GPR158: variants seen among roughly 807,000 people sequenced by gnomAD.
The protein encoded by GPR158 is metabotropic glycine receptor.
In GPR158, 30 loss-of-function variants were observed where a neutral mutation model predicts 78.2. That is an observed-to-expected ratio of 0.38 (90% CI 0.29 to 0.52). The LOEUF (loss-of-function observed/expected upper bound fraction) is 0.52, where lower values mean the gene tolerates loss of function less well. Ranked by LOEUF, GPR158 falls within the 20% of genes least tolerant of loss-of-function variation. The pLI, the probability that GPR158 is intolerant of heterozygous loss-of-function variation, is 0.83. For synonymous variants in GPR158, 581 were observed against 591.1 expected (o/e 0.98, Z 0.25); for missense variants, 1,463 against 1,523.5 (o/e 0.96, Z 0.66).
At chr10:25,340,166 T>C (rs1404505984) in intron 2 of GPR158, among the ~76,000 whole-genome samples, 1 of 152,062 alleles carries the variant, frequency 6.6e-6, no homozygotes, top group Non-Finnish European at 1.5e-5. Context: ...CCTCAGGATC[T>C]TGGATCCTCA....
chr10:25,228,393 A>T (rs1481447989), intron 2 of GPR158, among the ~76,000 whole-genome samples: 1 of 152,138 alleles, frequency 6.6e-6, no homozygotes, highest in Non-Finnish European at 1.5e-5. Context: ...ATATAGTAGC[A>T]AAAATTTAGA....
At chr10:25,313,224 T>A (rs1854793088) in intron 2 of GPR158, among the ~76,000 whole-genome samples, 1 of 131,108 alleles carries the variant, frequency 7.6e-6, no homozygotes, top group South Asian at 2.5e-4. Flanking sequence ...CTTTATCATG[T>A]TTAAAAAGCA....
At chr10:25,490,210 G>C (rs1835786932) in intron 5 of GPR158, among the ~76,000 whole-genome samples, 1 of 151,778 alleles carries the variant, frequency 6.6e-6, no homozygotes, top group African/African-American at 2.4e-5. Context: ...ACTCTTCCTT[G>C]TGTTTGTATG....
At chr10:25,586,209 G>A (rs947768059) in intron 7 of GPR158, among the ~76,000 whole-genome samples, 7 of 152,028 alleles carry the variant, frequency 4.6e-5, no homozygotes, top group African/African-American at 1.2e-4. Flanking sequence ...AGGCTGACCC[G>A]AAGGCCAGAG....
chr10:25,473,081 G>T (rs1437963486), intron 5 of GPR158, among the ~76,000 whole-genome samples: 1 of 152,018 alleles, frequency 6.6e-6, no homozygotes, highest in Non-Finnish European at 1.5e-5. Context: ...GTATGACATT[G>T]GCTGTGGGTT....
chr10:25,292,712 T>C (rs1235837780), intron 2 of GPR158, among the ~76,000 whole-genome samples: 5 of 152,294 alleles, frequency 3.3e-5, no homozygotes, highest in South Asian at 4.1e-4. Flanking sequence ...CCAAATTTCA[T>C]GCACAGAAAG....
At chr10:25,385,363 A>C (rs1834208453) in intron 2 of GPR158, among the ~76,000 whole-genome samples, 1 of 87,650 alleles carries the variant, frequency 1.1e-5, no homozygotes, top group African/African-American at 3.8e-5. Flanking sequence ...TTATCCATTT[A>C]TTTGTTGATG....
chr10:25,234,791 G>A (rs1406716599), intron 2 of GPR158, among the ~76,000 whole-genome samples: 3 of 152,152 alleles, frequency 2.0e-5, no homozygotes, highest in Non-Finnish European at 2.9e-5. Context: ...GTCTGAAATT[G>A]TACACTGATC....
chr10:25,560,426 C>A (rs1836846314), intron 6 of GPR158, among the ~76,000 whole-genome samples: 1 of 152,052 alleles, frequency 6.6e-6, no homozygotes, highest in East Asian at 1.9e-4. Flanking sequence ...CCACCATGCC[C>A]ACCTAATTTT....
At chr10:25,396,152 TTA>T (rs916482760) in intron 3 of GPR158, 139 bp downstream of exon 3, 2 of 507,670 alleles carry the variant, frequency 3.9e-6, no homozygotes, top group Non-Finnish European at 7.0e-6. Flanking sequence ...TTAAGGAGTT[TTA>T]GTTTTAGTTT....
chr10:25,563,493 C>A (rs75292609), intron 6 of GPR158, among the ~76,000 whole-genome samples: 1 of 152,078 alleles, frequency 6.6e-6, no homozygotes, highest in African/African-American at 2.4e-5. Context: ...TATTTTACAT[C>A]CATTTTGTTT....
rs1217307530 is a variant in GPR158 at position 25,360,741 on chromosome 10, G to A, written c.1009-35170G>A. Among the ~76,000 whole-genome samples, 4 of 152,088 alleles carry A rather than the reference G, an allele frequency of 2.6e-5. No homozygotes were observed. In the South Asian group the frequency reaches 6.2e-4, roughly 24 times the overall value. On this transcript the variant is annotated intron_variant, in intron 2 of 10. Transcript: ENST00000376351. ...TTGCTCAGGATTGTCTTGGCTATAT[G>A]GGCTCTTTTTTTGTTGCCATATGAA...
intron 2 of GPR158, among the ~76,000 whole-genome samples, chr10:25,264,744 G>A (rs948710624): frequency 1.3e-5 from 2 of 152,236 alleles, no homozygotes; most frequent in Admixed American, 6.5e-5. Context: ...TACTTTTGTC[G>A]ATAGTATCTT....
intron 2 of GPR158, among the ~76,000 whole-genome samples, chr10:25,384,415 G>A (rs1002427469): frequency 6.6e-6 from 1 of 152,276 alleles, no homozygotes; most frequent in East Asian, 1.9e-4. Flanking sequence ...TCAGCGTAAT[G>A]ATTCTGACTC....
chr10:25,317,211 A>AT (rs906422712), intron 2 of GPR158, among the ~76,000 whole-genome samples: 3 of 150,878 alleles, frequency 2.0e-5, no homozygotes, highest in Non-Finnish European at 4.4e-5. Flanking sequence ...CACCAGGCTA[A>AT]TTTTTTTTGT....
chr10:25,393,633 G>A (rs540983222), intron 2 of GPR158: 1 of 152,278 alleles, frequency 6.6e-6, no homozygotes, highest in Admixed American at 6.5e-5. Flanking sequence ...GGTTCTAGCA[G>A]GGGAACACAG....
intron 2 of GPR158, among the ~76,000 whole-genome samples, chr10:25,334,004 A>G (rs1855163040): frequency 6.6e-6 from 1 of 152,126 alleles, no homozygotes; most frequent in African/African-American, 2.4e-5. Context: ...TTTATTTTGT[A>G]AACCTATACA....
chr10:25,380,194 T>C (rs942694512), intron 2 of GPR158, among the ~76,000 whole-genome samples: 10 of 152,250 alleles, frequency 6.6e-5, no homozygotes, highest in African/African-American at 2.4e-4. Context: ...GCTTAAGAAA[T>C]AGATTGTCAC....
chr10:25,362,543 T>G (rs1038384432), intron 2 of GPR158, among the ~76,000 whole-genome samples: 1 of 151,952 alleles, frequency 6.6e-6, no homozygotes, highest in Non-Finnish European at 1.5e-5. Flanking sequence ...TTGTGTAGTA[T>G]GTACATCTTC....
Sources: allele counts gnomAD v4.1 joint callset (sites outside exome capture counted in the v4.1 genomes callset), GRCh38; gene constraint gnomAD v4.1.1; transcripts MANE v1.5; gene names NCBI Gene and HGNC (gene_info 2026-07-23, HGNC 2026-07-21).